The following CD244 variants were observed in gnomAD, a reference collection of about 807,000 sequenced individuals.
CD244 encodes the protein natural killer cell receptor 2B4.
CD244 carries 20 observed loss-of-function variants against 45.5 expected under a neutral mutation model. The observed-to-expected ratio is 0.44, with a 90% CI of 0.31 to 0.64. The LOEUF is 0.64. Among genes scored for constraint, CD244 ranks in the 30% least tolerant of loss-of-function variants. The pLI, the probability that CD244 is intolerant of heterozygous loss-of-function variation, is 0.08. For missense variants in CD244, 407 were observed against 426.9 expected (o/e 0.95, Z 0.41); for synonymous variants, 185 against 160.5 (o/e 1.15, Z -1.15).
chr1:160,838,645 A>G, intron 4 of CD244, 127 bp from the exon 5 acceptor site: 1 of 735,428 alleles, frequency 1.4e-6, no homozygotes, highest in Non-Finnish European at 2.4e-6. Context: ...AGGCAAGTTA[A>G]TGCTCTTCCC....
intron 1 of CD244, among the ~76,000 whole-genome samples, chr1:160,850,390 T>G (rs184367721): frequency 9.9e-4 from 151 of 152,300 alleles, no homozygotes; most frequent in African/African-American, 3.6e-3. Context: ...AAGATGTCAA[T>G]TCTTCCTAAA....
intron 7 of CD244, chr1:160,832,849 T>G: frequency 2.9e-6 from 1 of 341,288 alleles, no homozygotes. Flanking sequence ...CTAAAACCCA[T>G]ACACATATGT....
intron 5 of CD244, among the ~76,000 whole-genome samples, 171 bp from the exon 6 acceptor site, chr1:160,836,425 G>A (rs1669337612): frequency 6.6e-6 from 1 of 152,190 alleles, no homozygotes; most frequent in Non-Finnish European, 1.5e-5. Flanking sequence ...ACAGGAAGAA[G>A]AGCAGTTTGG....
intron 1 of CD244, among the ~76,000 whole-genome samples, chr1:160,857,781 C>T (rs1248981370): frequency 1.3e-5 from 2 of 152,140 alleles, no homozygotes; most frequent in East Asian, 1.9e-4. Flanking sequence ...GCACAGTGGC[C>T]CACATCTGTA....
intron 1 of CD244, among the ~76,000 whole-genome samples, chr1:160,859,267 C>T (rs536883069): frequency 1.3e-5 from 2 of 152,244 alleles, no homozygotes; most frequent in East Asian, 3.9e-4. Context: ...GGCAACATGG[C>T]TGAAATGCTG....
chr1:160,836,476 G>A (rs1422993313), intron 5 of CD244, among the ~76,000 whole-genome samples: 1 of 152,210 alleles, frequency 6.6e-6, no homozygotes, highest in East Asian at 1.9e-4. Flanking sequence ...CCACCTAGGT[G>A]TGAGGGGTTC....
chr1:160,858,495 C>T (rs11265498), intron 1 of CD244, among the ~76,000 whole-genome samples: 55,384 of 152,026 alleles, frequency 0.36, 14,033 homozygotes, highest in African/African-American at 0.72. Context: ...TTCCTCAGAA[C>T]GGACAACTGA....
At position 160,859,182 on chromosome 1, in the gene CD244, T is replaced by C. The variant is rs116918203; in HGVS notation, c.61+3435A>G. 1.3e-3 allele frequency among the ~76,000 whole-genome samples: 202 copies of C among 152,196 alleles called. 3 individuals carry two copies. In the East Asian group the frequency reaches 0.028, roughly 21 times the overall value. On this transcript the variant is annotated intron_variant, in intron 1 of 8. Coordinates refer to ENST00000368034, the MANE Select transcript of CD244 (RefSeq NM_016382.4). ...TCTGAGGGGTTGAGGGAAGAGGCCA[T>C]GTAGCCAGCAAAGGAGCAGCATCCC...
intron 1 of CD244, among the ~76,000 whole-genome samples, chr1:160,860,478 A>G (rs4656940): frequency 0.26 from 38,826 of 152,040 alleles, 5,511 homozygotes; most frequent in East Asian, 0.4. Context: ...TCTTGGGACA[A>G]TTGGTAATAT....
intron 5 of CD244, 105 bp downstream of exon 5, chr1:160,838,346 A>T: frequency 1.2e-6 from 1 of 856,812 alleles, no homozygotes; most frequent in Non-Finnish European, 2.0e-6. Flanking sequence ...TCACATCAAA[A>T]GGACAGTCGT....
intron 1 of CD244, among the ~76,000 whole-genome samples, chr1:160,856,652 C>A (rs1336513214): frequency 6.6e-6 from 1 of 152,118 alleles, no homozygotes; most frequent in Non-Finnish European, 1.5e-5. Flanking sequence ...ATTATACATA[C>A]CCATTTTCCT....
At chr1:160,832,868 G>T in intron 7 of CD244, 1 of 316,146 alleles carries the variant, frequency 3.2e-6, no homozygotes, top group Non-Finnish European at 5.9e-6. Flanking sequence ...GTGTGTGTGT[G>T]TGTATATATA....
chr1:160,845,818 T>A (rs1279092497), intron 1 of CD244, among the ~76,000 whole-genome samples: 1 of 147,932 alleles, frequency 6.8e-6, no homozygotes, highest in East Asian at 2.0e-4. Context: ...ATCACGCCAC[T>A]GCACTCCAAC....
Position 160,846,336 on chromosome 1 carries a change from G to A in CD244, c.62-4435C>T, listed in dbSNP as rs539319103. Among the ~76,000 whole-genome samples, 5 of 152,254 alleles carry A rather than the reference G, an allele frequency of 3.3e-5. No individual in the cohort carries two copies. In the South Asian group the frequency reaches 1.0e-3, roughly 32 times the overall value. The stretch of plus-strand genomic sequence containing the variant: ...TTCCAAGGAATGATATATTTAAAGT[G>A]CTGAAAGAAAATAACTGCCTATCTA... On this transcript the variant is annotated intron_variant, in intron 1 of 8. Transcript: ENST00000368034.
chr1:160,850,510 G>T (rs909332377), intron 1 of CD244, among the ~76,000 whole-genome samples: 4 of 152,134 alleles, frequency 2.6e-5, no homozygotes, highest in African/African-American at 9.7e-5. Context: ...ACATAGAATA[G>T]CCAAGGCAAT....
rs559791379 is a variant in CD244, at chr1:160,857,975, A to G, written c.61+4642T>C. Among the ~76,000 whole-genome samples the G allele has an allele frequency of 7.9e-5, 12 of 152,236 alleles. No homozygotes were observed. In the South Asian group the frequency reaches 2.5e-3, roughly 32 times the overall value. On this transcript the variant is annotated intron_variant, in intron 1 of 8. Coordinates refer to ENST00000368034, the MANE Select transcript of CD244 (RefSeq NM_016382.4). ...GGCAGAAGGATTGCTTGAGCCCAGGAGGTCAAGGCTACAGTGAGCTGTGAT... is the reference window on the plus strand; with the variant it reads ...GGCAGAAGGATTGCTTGAGCCCAGGGGGTCAAGGCTACAGTGAGCTGTGAT...
rs1415008897 is a variant in CD244, at chr1:160,838,448, T to A, written c.834+3A>T. 1 of 1,609,536 alleles carries A rather than the reference T, an allele frequency of 6.2e-7. No individual in the cohort carries two copies. The highest frequency in any genetic ancestry group is 8.5e-7 in the Non-Finnish European group (1 of 1,175,818). On this transcript the variant is annotated splice_donor_region_variant and intron_variant, in intron 5 of 8. Transcript: ENST00000368034. ...AGAGACCCCAGCCTCCGGGATGACA[T>A]ACGTGATTTCTCCTGGTTTTCAGAT... is the stretch of plus-strand genomic sequence containing the variant.
Position 160,841,382 on chromosome 1 carries a change from G to A in CD244, c.483C>T (p.Ser161=), listed in dbSNP as rs1257566575. The A allele has an allele frequency of 4.3e-6, 7 of 1,614,168 alleles. No individual in the cohort carries two copies. Among genetic ancestry groups the A allele is most frequent in the South Asian group, 1.1e-5 (1 of 91,082 alleles). Residue 161 remains serine (S), a synonymous_variant, in exon 3 of 9, where the codon TCC becomes TCT. Transcript: ENST00000368034. ...SCLVSRDGNV[S]YAWYRGSKLI... is the part of the protein sequence containing the mutation. The stretch of plus-strand genomic sequence containing the variant: ...GCTTGCTCCCTCTGTACCAAGCATA[G>A]GACACATTGCCATCCCTGGAGACCA...
intron 6 of CD244, among the ~76,000 whole-genome samples, chr1:160,835,318 C>T (rs898262179): frequency 6.6e-6 from 1 of 152,146 alleles, no homozygotes; most frequent in Non-Finnish European, 1.5e-5. Flanking sequence ...CCCTTTGGCT[C>T]AGCTCTGCCA....
Sources: allele counts gnomAD v4.1 joint callset (sites outside exome capture counted in the v4.1 genomes callset), GRCh38; gene constraint gnomAD v4.1.1; transcripts MANE v1.5; gene names NCBI Gene and HGNC (gene_info 2026-07-23, HGNC 2026-07-21).